TCOF1: variants seen among roughly 807,000 people sequenced by gnomAD.
TCOF1 encodes the protein treacle ribosome biogenesis factor 1.
A neutral mutation model predicts 149.0 loss-of-function variants in TCOF1; 33 were observed. That is an observed-to-expected ratio of 0.22 (90% CI 0.17 to 0.30). The LOEUF is 0.30. Among genes scored for constraint, TCOF1 ranks in the 10% least tolerant of loss-of-function variants. The pLI, the probability that TCOF1 is intolerant of heterozygous loss-of-function variation, is 1.00. For missense variants in TCOF1, 1,728 were observed against 1,840.7 expected (o/e 0.94, Z 1.12); for synonymous variants, 789 against 738.8 (o/e 1.07, Z -1.10).
In TCOF1 at chr5:150,379,217, C is replaced by T. The variant is rs1764477514; in HGVS notation, c.2479-12C>T. On this transcript the variant is annotated splice_polypyrimidine_tract_variant and intron_variant, in intron 15 of 26. Coordinates refer to ENST00000643257, the MANE Select transcript of TCOF1 (RefSeq NM_001371623.1). ...CTTTTGCCTCCAATACTATTATCCC[C>T]CTGCAATTCAGGTGAAGCCACCAGT... is the stretch of plus-strand genomic sequence containing the variant. 6.2e-7 allele frequency: 1 copy of T among 1,614,058 alleles called. No homozygotes were observed. Among genetic ancestry groups the T allele is most frequent in the Non-Finnish European group, 8.5e-7 (1 of 1,180,038 alleles).
intron 17 of TCOF1, chr5:150,383,941 G>T: frequency 6.8e-7 from 1 of 1,469,166 alleles, no homozygotes; most frequent in Non-Finnish European, 9.0e-7. Flanking sequence ...CCAAGCTTCT[G>T]TGTGAACCCT....
At position 150,376,520 on chromosome 5, in the gene TCOF1, C is replaced by T. The variant is rs201352878; in HGVS notation, c.2240C>T (p.Thr747Met). The T allele has an allele frequency of 1.4e-5, 23 of 1,612,418 alleles. No homozygotes were observed. Among genetic ancestry groups the T allele is most frequent in the African/African-American group, 6.7e-5 (5 of 74,980 alleles). The change falls in exon 14 of 27, where the codon ACG (threonine) becomes ATG (methionine). Residue 747 changes from threonine (T) to methionine (M), a missense_variant. Physicochemically the swap from Thr to Met is moderately conservative, Grantham distance 81 (BLOSUM62 -1). This residue lies in a region of TCOF1 where 1,696 missense variants were observed against 1,765.4 expected (regional missense o/e 0.96). Coordinates refer to ENST00000643257, the MANE Select transcript of TCOF1 (RefSeq NM_001371623.1). ...ACTGCTCCAGTACTCCCTGGGAAGACGGGGCCTACAGTCACCCAGGTGAAA... is the reference window on the plus strand; with the variant it reads ...ACTGCTCCAGTACTCCCTGGGAAGATGGGGCCTACAGTCACCCAGGTGAAA... ...QGTAPVLPGK[T>M]GPTVTQVKAE...
chr5:150,386,922 T>G (rs1210812435), intron 17 of TCOF1, among the ~76,000 whole-genome samples: 1 of 152,250 alleles, frequency 6.6e-6, no homozygotes, highest in Non-Finnish European at 1.5e-5. Context: ...GCTTTTTCTT[T>G]TATTGTTTCC....
intron 17 of TCOF1, chr5:150,384,815 A>G (rs1016188465): frequency 1.0e-6 from 1 of 985,468 alleles, no homozygotes; most frequent in Non-Finnish European, 1.2e-6. Flanking sequence ...CTCACTAATT[A>G]TGATTATTTT....
At chr5:150,385,030 G>GC in intron 17 of TCOF1, 2 of 984,872 alleles carry the variant, frequency 2.0e-6, no homozygotes, top group Non-Finnish European at 2.4e-6. Context: ...CAGAGTCTGT[G>GC]CTGGGGTCAG....
Position 150,375,179 on chromosome 5 carries a change from G to T in TCOF1, c.1488+16G>T. On this transcript the variant is annotated intron_variant, in intron 10 of 26. Coordinates refer to ENST00000643257, the MANE Select transcript of TCOF1 (RefSeq NM_001371623.1). Reference sequence around the variant, plus strand: ...TGCAGCTCAGGTGAGGCTGGAAGCCGCCCTGCATGGCCTGTGCCCTGCCTC... The same window carrying T: ...TGCAGCTCAGGTGAGGCTGGAAGCCTCCCTGCATGGCCTGTGCCCTGCCTC... The T allele has an allele frequency of 1.2e-6, 2 of 1,612,824 alleles. No homozygotes were observed. Among genetic ancestry groups the T allele is most frequent in the East Asian group, 2.2e-5 (1 of 44,834 alleles).
Position 150,376,302 on chromosome 5 carries a change from A to G in TCOF1, c.2114A>G (p.Lys705Arg), listed in dbSNP as rs943166620. The change falls in exon 13 of 27, where the codon AAG becomes AGG. Residue 705 changes from lysine (K) to arginine (R), a missense_variant. This residue lies in a region of TCOF1 where 1,696 missense variants were observed against 1,765.4 expected (regional missense o/e 0.96). Transcript: ENST00000643257. The stretch of plus-strand genomic sequence containing the variant: ...GAGGAATCAGATAGTGAGGAAGAGA[A>G]GACAGGTCTTGCAGTAACCGTGGGA... ...SSEESDSEEEKTGLAVTVGQA... is the reference protein window; with the variant it reads ...SSEESDSEEERTGLAVTVGQA... 2 of 1,614,186 alleles carry G rather than the reference A, an allele frequency of 1.2e-6. No homozygotes were observed. The highest frequency in any genetic ancestry group is 2.7e-5 in the African/African-American group (2 of 75,054).
intron 19 of TCOF1, among the ~76,000 whole-genome samples, chr5:150,391,163 C>T (rs535617962): frequency 2.6e-5 from 4 of 152,186 alleles, no homozygotes; most frequent in Admixed American, 2.0e-4. Context: ...TGAGCCAGGC[C>T]GTGGCAAGAG....
rs770770327 is a variant in TCOF1, at chr5:150,375,767, C to T, written c.1751C>T (p.Pro584Leu). 6.2e-7 allele frequency: 1 copy of T among 1,614,276 alleles called. No homozygotes were observed. The highest frequency in any genetic ancestry group is 8.5e-7 in the Non-Finnish European group (1 of 1,180,054). ...CTCCAGGCCAAACCCACCTCCAGTC[C>T]TGCCAAGGGGCCCCCTCAGAAGGCA... ...NILQAKPTSS[P>L]AKGPPQKAGP... is the part of the protein sequence containing the mutation. Residue 584 changes from proline to leucine, a missense_variant, in exon 12 of 27, where the codon CCT (proline) becomes CTT (leucine). Coordinates refer to ENST00000643257, the MANE Select transcript of TCOF1 (RefSeq NM_001371623.1).
chr5:150,369,649 C>A, intron 6 of TCOF1, 47 bp downstream of exon 6: 2 of 1,603,688 alleles, frequency 1.2e-6, no homozygotes, highest in Non-Finnish European at 8.5e-7. Flanking sequence ...AGCCTCTAAC[C>A]CTTCCAGGAA....
chr5:150,368,315 T>G (rs2150547424), intron 4 of TCOF1: 1 of 351,076 alleles, frequency 2.8e-6, no homozygotes, highest in Non-Finnish European at 5.3e-6. Flanking sequence ...TTTTCCAAAC[T>G]GGAAACTGCT....
At chr5:150,397,318 G>A (rs976568999) in intron 24 of TCOF1, among the ~76,000 whole-genome samples, 5 of 152,120 alleles carry the variant, frequency 3.3e-5, no homozygotes, top group Non-Finnish European at 7.3e-5. Flanking sequence ...CAGTGCAGCA[G>A]ATCTTGGAGG....
chr5:150,371,918 C>T lies in TCOF1; in HGVS notation c.640-88C>T, dbSNP rs1762611829. 23 of 1,198,244 alleles carry T rather than the reference C, an allele frequency of 1.9e-5. No individual in the cohort carries two copies. In the South Asian group the frequency reaches 1.9e-4, roughly 10 times the overall value. The allele number at this position is 1,198,244 out of a possible 1,614,324, so 74.2% of individuals were successfully genotyped here. A position where few individuals can be genotyped will look rare whatever the true frequency, so the allele number is the denominator to read the frequency against. ...AAAATCCAGTGACATTAGGAAAGAG[C>T]TTTATCAACTGCTGAAGCCCCTAAT... On this transcript the variant is annotated intron_variant, in intron 6 of 26. Transcript: ENST00000643257.
At position 150,374,411 on chromosome 5, in the gene TCOF1, A is replaced by G. The variant is rs1763237120; in HGVS notation, c.1083+25A>G. 3 of 1,551,530 alleles carry G rather than the reference A, an allele frequency of 1.9e-6. No individual in the cohort carries two copies. The South Asian group carries it at 3.6e-5, about 18-fold the overall frequency. ...GGTGAGGCCTGAGGAGGGAGACTCC[A>G]TGCAGCCAGGCCCGTCCCCAGAAGG... On this transcript the variant is annotated intron_variant, in intron 8 of 26. Coordinates refer to ENST00000643257, the MANE Select transcript of TCOF1 (RefSeq NM_001371623.1).
chr5:150,380,084 AAG>A, intron 17 of TCOF1: 1 of 266,094 alleles, frequency 3.8e-6, no homozygotes. Context: ...AAAAAAAAAA[AAG>A]AAAAAAAAGA....
At chr5:150,386,400 G>T (rs762980800) in intron 17 of TCOF1, among the ~76,000 whole-genome samples, 50 of 151,992 alleles carry the variant, frequency 3.3e-4, no homozygotes, top group Non-Finnish European at 6.6e-4. Flanking sequence ...TTTTTATATC[G>T]TGGGAAGGAA....
chr5:150,399,017 C>T lies in TCOF1; in HGVS notation c.4444-5C>T, dbSNP rs1194950034. On this transcript the variant is annotated splice_region_variant and splice_polypyrimidine_tract_variant and intron_variant, in intron 25 of 26. Coordinates refer to ENST00000643257, the MANE Select transcript of TCOF1 (RefSeq NM_001371623.1). The stretch of plus-strand genomic sequence containing the variant: ...TGAGAGCCTCTCGTACTTCCCTCCT[C>T]ACAGAAGAAGACAGCAGAGCAGACT... The T allele has an allele frequency of 1.1e-5, 18 of 1,614,126 alleles. No individual in the cohort carries two copies. The Admixed American group carries it at 1.2e-4, about 10-fold the overall frequency.
chr5:150,365,655 T>G (rs2150492973), intron 3 of TCOF1, among the ~76,000 whole-genome samples: 1 of 152,300 alleles, frequency 6.6e-6, no homozygotes, highest in South Asian at 2.1e-4. Flanking sequence ...TTGGTATTAA[T>G]CAATTTTATA....
chr5:150,379,338 G>A lies in TCOF1; in HGVS notation c.2588G>A (p.Gly863Glu). The change falls in exon 16 of 27, where the codon GGG becomes GAG. Residue 863 changes from glycine to glutamate, a missense_variant. By Grantham distance (98) the Gly-to-Glu change is moderately conservative. Transcript: ENST00000643257. ...AVATAAQAQTGPEEDSGSSEE... is the reference protein window; with the variant it reads ...AVATAAQAQTEPEEDSGSSEE... ...GCTACAGCAGCTCAGGCCCAGACAG[G>A]GCCAGAGGAGGACTCAGGGAGCAGT... The A allele has an allele frequency of 5.0e-6, 8 of 1,614,240 alleles. No individual in the cohort carries two copies. The highest frequency in any genetic ancestry group is 6.8e-6 in the Non-Finnish European group (8 of 1,180,040).
Sources: gnomAD v4.1 joint callset for allele counts (sites outside exome capture counted in the v4.1 genomes callset) on GRCh38, gnomAD v4.1.1 for gene constraint, gnomAD v4.1.1 regional missense constraint, MANE v1.5 for transcripts, NCBI Gene and HGNC (gene_info 2026-07-23, HGNC 2026-07-21) for gene names.